Variants in ARHGEF10 observed in about 807,000 individuals in gnomAD.
ARHGEF10 encodes the protein Rho guanine nucleotide exchange factor 10, also known as Rho guanine nucleotide exchange factor (GEF) 10.
Under a neutral mutation model 147.4 loss-of-function variants are expected in ARHGEF10, and 140 were observed. The ratio of observed to expected loss-of-function variants is 0.95; its 90% CI spans 0.83 to 1.09. The LOEUF (loss-of-function observed/expected upper bound fraction) is 1.09. Ranked by LOEUF, ARHGEF10 falls within the 50% of genes least tolerant of loss-of-function variation. The probability of loss-of-function intolerance (pLI) is 0.00; values close to 1 mark genes in which losing one functional copy is unlikely to be tolerated. For synonymous variants in ARHGEF10, 902 were observed against 695.8 expected, an observed-to-expected ratio of 1.30 and a Z score of -4.67; for missense variants, 2,222 against 1,752.7, an observed-to-expected ratio of 1.27 and a Z score of -4.78.
In ARHGEF10 at chr8:1,925,226, G is replaced by T. The variant is rs575144817; in HGVS notation, c.2489-57G>T. ...CCTGCTATGACCTGTGGAGCTGCAG[G>T]TCTTTGCATGTGAGTTAACTGCATT... On this transcript the variant is annotated intron_variant, in intron 21 of 28. Transcript: ENST00000349830. 1.6e-4 allele frequency: 253 copies of T among 1,612,048 alleles called. 2 individuals carry two copies. The South Asian group carries it at 2.7e-3, about 17-fold the overall frequency.
intron 8 of ARHGEF10, among the ~76,000 whole-genome samples, chr8:1,877,724 T>C (rs1263556133): frequency 6.6e-6 from 1 of 151,562 alleles, no homozygotes; most frequent in Admixed American, 6.6e-5. Context: ...ACCGGTGTTT[T>C]GTTAGAGTTT....
Position 1,933,873 on chromosome 8 carries a change from G to GGAA in ARHGEF10, c.3156_3158dup (p.Glu1052dup). 6.2e-7 allele frequency: 1 copy of GGAA among 1,614,210 alleles called. No homozygotes were observed. Among genetic ancestry groups the GGAA allele is most frequent in the South Asian group, 1.1e-5 (1 of 91,090 alleles). On this transcript the variant is annotated inframe_insertion, in exon 26 of 29. Transcript: ENST00000349830. ...TACCAGTTAGAAGTCTACTCATGAT[G>GGAA]GAAGACACGTTGTGGGCGGCTTCCG...
chr8:1,846,411 C>T (rs1320682119), intron 2 of ARHGEF10, among the ~76,000 whole-genome samples: 1 of 152,162 alleles, frequency 6.6e-6, no homozygotes, highest in East Asian at 1.9e-4. Flanking sequence ...TTAAGTCAAC[C>T]GTCCACTTAA....
Position 1,858,124 on chromosome 8 carries a change from C to A in ARHGEF10, c.193+9C>A. On this transcript the variant is annotated intron_variant, in intron 3 of 28. Transcript: ENST00000349830. The stretch of plus-strand genomic sequence containing the variant: ...AGCCCCTGCACCCACAGGTGAGTTT[C>A]CAGGAGGGTCCCCAGGTGAGTCCCC... The A allele has an allele frequency of 1.2e-6, 2 of 1,612,290 alleles. No homozygotes were observed. The highest frequency in any genetic ancestry group is 1.7e-6 in the Non-Finnish European group (2 of 1,179,090).
chr8:1,841,848 G>GCCGCGGCGGGAACTGGGT (rs1563161445), intron 1 of ARHGEF10, among the ~76,000 whole-genome samples: 8 of 108,280 alleles, frequency 7.4e-5, no homozygotes, highest in African/African-American at 2.1e-4. Context: ...GGGAACTGGG[G>GCCGCGGCGGGAACTGGGT]CCGCGGCGGG....
chr8:1,888,918 A>T (rs1340413678), intron 11 of ARHGEF10, among the ~76,000 whole-genome samples: 1 of 132,396 alleles, frequency 7.6e-6, no homozygotes, highest in Non-Finnish European at 1.6e-5. Context: ...TTGTGAGGAG[A>T]CAGTGGGGTG....
At chr8:1,831,986 G>A (rs1485024545) in intron 1 of ARHGEF10, among the ~76,000 whole-genome samples, 1 of 152,168 alleles carries the variant, frequency 6.6e-6, no homozygotes, top group African/African-American at 2.4e-5. Flanking sequence ...TGGTGCCCGA[G>A]CCTGTGGGTG....
At chr8:1,946,097 C>G (rs1301257409) in intron 27 of ARHGEF10, among the ~76,000 whole-genome samples, 2 of 152,136 alleles carry the variant, frequency 1.3e-5, no homozygotes, top group African/African-American at 4.8e-5. Flanking sequence ...TGCCCTGTTG[C>G]TGGTGGGTGT....
intron 5 of ARHGEF10, among the ~76,000 whole-genome samples, chr8:1,866,075 A>G (rs560922956): frequency 8.5e-5 from 13 of 152,132 alleles, no homozygotes; most frequent in Non-Finnish European, 1.8e-4. Context: ...GGGGCAGAGC[A>G]CCATGGTTTA....
At chr8:1,924,201 G>A (rs756888732) in intron 21 of ARHGEF10, among the ~76,000 whole-genome samples, 7 of 152,050 alleles carry the variant, frequency 4.6e-5, no homozygotes, top group Non-Finnish European at 1.5e-5. Context: ...GGCGGCGGGC[G>A]GCGGCCTTCA....
Position 1,957,192 on chromosome 8 carries a change from G to C in ARHGEF10, c.3964G>C (p.Ala1322Pro), listed in dbSNP as rs772914728. The C allele has an allele frequency of 1.2e-6, 2 of 1,612,388 alleles. No homozygotes were observed. Among genetic ancestry groups the C allele is most frequent in the Admixed American group, 1.7e-5 (1 of 60,006 alleles). Residue 1322 changes from alanine (A) to proline (P), a missense_variant, in exon 29 of 29, where the codon GCC (alanine) becomes CCC (proline). By Grantham distance (27) the Ala-to-Pro change is conservative. Transcript: ENST00000349830. ...GGGCCACCGCCGGGTGCACAGGAAG[G>C]CCCGGCAGCCCCACCAGGAAGAGCT... is the stretch of plus-strand genomic sequence containing the variant. ...GQGHRRVHRK[A>P]RQPHQEELAP...
rs761855813 is a variant in ARHGEF10 at position 1,956,900 on chromosome 8, G to A, written c.3672G>A (p.Pro1224=). The A allele has an allele frequency of 5.0e-6, 8 of 1,613,926 alleles. No homozygotes were observed. The highest frequency in any genetic ancestry group is 2.2e-5 in the South Asian group (2 of 91,082). Residue 1224 remains proline (P), a synonymous_variant, in exon 29 of 29, where the codon CCG becomes CCA. Coordinates refer to ENST00000349830, the MANE Select transcript of ARHGEF10 (RefSeq NM_014629.4). ...PQDEDQKDAL[P]SGGAGSSLSQ... The stretch of plus-strand genomic sequence containing the variant: ...ACGAAGACCAGAAGGACGCACTTCC[G>A]AGTGGAGGAGCTGGTTCATCTCTGA...
rs924287122 is a variant in ARHGEF10 at position 1,952,649 on chromosome 8, C to G, written c.3398-56C>G. The G allele has an allele frequency of 3.1e-6, 5 of 1,608,576 alleles. No homozygotes were observed. The Admixed American group carries it at 6.7e-5, about 21-fold the overall frequency. ...GGGGTTTCCAGCACCCCGTCACCGCCCCACCAACTCTGCTACACAAACCAG... is the reference window on the plus strand; with the variant it reads ...GGGGTTTCCAGCACCCCGTCACCGCGCCACCAACTCTGCTACACAAACCAG... On this transcript the variant is annotated intron_variant, in intron 27 of 28. Coordinates refer to ENST00000349830, the MANE Select transcript of ARHGEF10 (RefSeq NM_014629.4).
chr8:1,858,420 C>G (rs922933491), intron 3 of ARHGEF10, among the ~76,000 whole-genome samples: 2 of 152,054 alleles, frequency 1.3e-5, no homozygotes, highest in Non-Finnish European at 2.9e-5. Flanking sequence ...CATGATGTAC[C>G]TGAAAGGACT....
At chr8:1,898,410 G>T in intron 14 of ARHGEF10, 23 bp from the exon 15 acceptor site, 8 of 1,611,172 alleles carry the variant, frequency 5.0e-6, no homozygotes, top group Non-Finnish European at 6.8e-6. Context: ...GCAGGGAGGT[G>T]ACCCCGGTGC....
intron 1 of ARHGEF10, among the ~76,000 whole-genome samples, chr8:1,826,971 G>A (rs1196747446): frequency 6.6e-6 from 1 of 152,230 alleles, no homozygotes; most frequent in African/African-American, 2.4e-5. Context: ...GGTTCTGGGA[G>A]CTCTGCAGTG....
rs35711467 is a variant in ARHGEF10 at position 1,857,875 on chromosome 8, G to GATCT, written c.38-82_38-81insTATC. The GATCT allele has an allele frequency of 0.097, 88,508 of 913,524 alleles. 3,602 individuals are homozygous for GATCT. The highest frequency in any genetic ancestry group is 0.16 in the East Asian group (5,727 of 35,762). The allele number at this position is 913,524 out of a possible 1,614,324, so 56.6% of individuals were successfully genotyped here. ...TCAGTGTCTCTGGCTAACATAGATC[G>GATCT]ATCGATCTATCTATCTATCTATCTA... On this transcript the variant is annotated intron_variant, in intron 2 of 28. Coordinates refer to ENST00000349830, the MANE Select transcript of ARHGEF10 (RefSeq NM_014629.4).
intron 7 of ARHGEF10, among the ~76,000 whole-genome samples, chr8:1,874,252 A>G (rs1807446772): frequency 6.6e-6 from 1 of 152,104 alleles, no homozygotes; most frequent in Non-Finnish European, 1.5e-5. Context: ...ATTGAAAACC[A>G]CCCGTTTTTC....
intron 26 of ARHGEF10, among the ~76,000 whole-genome samples, chr8:1,944,652 T>C (rs1814413514): frequency 6.6e-6 from 1 of 152,236 alleles, no homozygotes; most frequent in South Asian, 2.1e-4. Flanking sequence ...ATCACTTTAC[T>C]TTAGATAACT....
Sources: allele counts gnomAD v4.1 joint callset (sites outside exome capture counted in the v4.1 genomes callset), GRCh38; gene constraint gnomAD v4.1.1; transcripts MANE v1.5; gene names NCBI Gene and HGNC (gene_info 2026-07-23, HGNC 2026-07-21).